Variants in PCDH15 observed in about 807,000 individuals in gnomAD.
PCDH15 encodes the protein protocadherin related 15.
In PCDH15, 129 loss-of-function variants were observed where a neutral mutation model predicts 178.5. The ratio of observed to expected loss-of-function variants is 0.72; its 90% CI spans 0.63 to 0.84. PCDH15 has a LOEUF of 0.84. Among genes scored for constraint, PCDH15 ranks in the 40% least tolerant of loss-of-function variants. The probability of loss-of-function intolerance (pLI) is 0.00; values close to 1 mark genes in which losing one functional copy is unlikely to be tolerated. For missense variants in PCDH15, 2,230 were observed against 2,099.9 expected, an observed-to-expected ratio of 1.06 and a Z score of -1.21; for synonymous variants, 800 against 732.0, an observed-to-expected ratio of 1.09 and a Z score of -1.50.
chr10:54,563,046 G>C (rs961373521), intron 2 of PCDH15, among the ~76,000 whole-genome samples: 1 of 152,072 alleles, frequency 6.6e-6, no homozygotes, highest in Non-Finnish European at 1.5e-5. Context: ...TTCTTAGCAG[G>C]CTTCAAACTA....
In PCDH15 at chr10:53,837,694, C is replaced by T. The variant is rs191217581; in HGVS notation, c.3983+2626G>A. Among the ~76,000 whole-genome samples, 40 of 152,112 alleles carry T rather than the reference C, an allele frequency of 2.6e-4. No homozygotes were observed. In the East Asian group the frequency reaches 7.8e-3, roughly 29 times the overall value. On this transcript the variant is annotated intron_variant, in intron 29 of 37. Transcript: ENST00000644397. ...GTTAAAAACTAAATAACCAATAACTCTCACAACTACAGAATAGATACCAAT... is the reference window on the plus strand; with the variant it reads ...GTTAAAAACTAAATAACCAATAACTTTCACAACTACAGAATAGATACCAAT...
intron 2 of PCDH15, among the ~76,000 whole-genome samples, chr10:54,575,454 G>C (rs926065066): frequency 2.6e-5 from 4 of 151,936 alleles, no homozygotes; most frequent in Non-Finnish European, 5.9e-5. Flanking sequence ...TTCAATATTT[G>C]GTTATAATTT....
intron 3 of PCDH15, among the ~76,000 whole-genome samples, chr10:54,855,561 A>G (rs1468211326): frequency 6.6e-6 from 1 of 152,248 alleles, no homozygotes; most frequent in Non-Finnish European, 1.5e-5. Context: ...TCCACTCCAC[A>G]GAATTCTTAA....
At chr10:55,395,192 T>TGAGA (rs1837892851) in intron 2 of PCDH15, among the ~76,000 whole-genome samples, 1 of 89,142 alleles carries the variant, frequency 1.1e-5, no homozygotes, top group African/African-American at 5.0e-5. Context: ...TGTGTGTGTG[T>TGAGA]GTGTGAGAGA....
chr10:55,357,609 A>C (rs569923056), intron 2 of PCDH15, among the ~76,000 whole-genome samples: 1 of 152,038 alleles, frequency 6.6e-6, no homozygotes, highest in Admixed American at 6.6e-5. Flanking sequence ...TATCTATAAA[A>C]TGCTCTTTGT....
chr10:55,220,256 T>C (rs1390296168), intron 1 of PCDH15, among the ~76,000 whole-genome samples: 1 of 152,044 alleles, frequency 6.6e-6, no homozygotes, highest in African/African-American at 2.4e-5. Flanking sequence ...CCAAACGAGA[T>C]AACCTGATGT....
intron 35 of PCDH15, 31 bp downstream of exon 35, chr10:53,816,208 G>T (rs1270086052): frequency 1.3e-5 from 5 of 398,660 alleles, no homozygotes. Context: ...TGAAGGCTCA[G>T]TGAGGTTGAA....
At chr10:54,762,688 T>C (rs1161619104) in intron 1 of PCDH15, among the ~76,000 whole-genome samples, 1 of 152,140 alleles carries the variant, frequency 6.6e-6, no homozygotes, top group Non-Finnish European at 1.5e-5. Flanking sequence ...TTAAGCATTG[T>C]AACTTCATCA....
intron 1 of PCDH15, among the ~76,000 whole-genome samples, chr10:54,674,205 T>C (rs921868916): frequency 2.0e-5 from 3 of 152,206 alleles, no homozygotes; most frequent in African/African-American, 7.2e-5. Context: ...TCATTTACAA[T>C]AATTTTAAAA....
At chr10:54,825,678 A>G (rs1456163032) in intron 3 of PCDH15, among the ~76,000 whole-genome samples, 2 of 151,906 alleles carry the variant, frequency 1.3e-5, no homozygotes, top group Admixed American at 6.6e-5. Context: ...TCTTCTTTTG[A>G]GAAGTGTCTG....
At position 55,106,852 on chromosome 10, in the gene PCDH15, T is replaced by C. The variant is rs546355579; in HGVS notation, c.-80+59724A>G. The stretch of plus-strand genomic sequence containing the variant: ...GAATTCCCTAGGTCAGCTATGGATA[T>C]AGCTCACCATGGTTAACTCCTCAAC... On this transcript the variant is annotated intron_variant, in intron 2 of 5. Transcript: ENST00000458638. Among the ~76,000 whole-genome samples the C allele has an allele frequency of 4.9e-4, 74 of 152,326 alleles. 1 individual carries two copies. The highest frequency in any genetic ancestry group is 6.8e-3 in the Middle Eastern group (2 of 294).
intron 15 of PCDH15, among the ~76,000 whole-genome samples, chr10:54,112,770 A>T (rs2132725039): frequency 6.6e-6 from 1 of 152,328 alleles, no homozygotes; most frequent in East Asian, 1.9e-4. Flanking sequence ...AATCCACACA[A>T]TTTTAAATAA....
chr10:53,880,754 C>A (rs1356287551), intron 26 of PCDH15, among the ~76,000 whole-genome samples: 1 of 152,092 alleles, frequency 6.6e-6, no homozygotes, highest in East Asian at 1.9e-4. Context: ...TATTACCAAA[C>A]AAAATGCCTT....
At chr10:55,155,684 T>C (rs1838865275) in intron 2 of PCDH15, among the ~76,000 whole-genome samples, 2 of 152,048 alleles carry the variant, frequency 1.3e-5, no homozygotes, top group African/African-American at 4.8e-5. Context: ...AACATAATTA[T>C]TGGGGCTGTT....
intron 25 of PCDH15, among the ~76,000 whole-genome samples, chr10:53,910,599 C>G (rs1248792592): frequency 6.6e-6 from 1 of 152,102 alleles, no homozygotes; most frequent in Admixed American, 6.5e-5. Context: ...ACCAGAGCAC[C>G]TCTTCTCCTC....
chr10:54,332,051 T>C (rs1419589499), intron 6 of PCDH15, among the ~76,000 whole-genome samples: 1 of 150,652 alleles, frequency 6.6e-6, no homozygotes, highest in Non-Finnish European at 1.5e-5. Flanking sequence ...ATTGATAAAA[T>C]TAATTACGGA....
chr10:53,888,309 T>TATATATATATATATATATATAC (rs59199185), intron 26 of PCDH15, among the ~76,000 whole-genome samples: 1 of 107,812 alleles, frequency 9.3e-6, no homozygotes, highest in African/African-American at 3.9e-5. Context: ...TATATATATA[T>TATATATATATATATATATATAC]GTATATATGT....
intron 3 of PCDH15, among the ~76,000 whole-genome samples, chr10:54,423,421 A>G (rs1182820591): frequency 1.3e-5 from 2 of 151,940 alleles, no homozygotes; most frequent in Non-Finnish European, 2.9e-5. Context: ...GAGGGAAGAC[A>G]TATTTGTCTA....
intron 10 of PCDH15, 65 bp from the exon 11 acceptor site, chr10:54,195,954 C>CT: frequency 1.4e-6 from 2 of 1,434,244 alleles, no homozygotes; most frequent in Non-Finnish European, 1.9e-6. Flanking sequence ...TGGAGTTTCA[C>CT]TTTTCATGCA....
Sources: allele counts gnomAD v4.1 joint callset (sites outside exome capture counted in the v4.1 genomes callset), GRCh38; gene constraint gnomAD v4.1.1; transcripts MANE v1.5; gene names NCBI Gene and HGNC (gene_info 2026-07-23, HGNC 2026-07-21).